The following GPA33 variants were observed in gnomAD, a reference collection of about 807,000 sequenced individuals.
The protein encoded by GPA33 is glycoprotein A33.
Under a neutral mutation model 35.6 loss-of-function variants are expected in GPA33, and 27 were observed. The observed-to-expected ratio is 0.76, with a 90% CI of 0.56 to 1.04. The LOEUF is 1.04. Among genes scored for constraint, GPA33 ranks in the 50% least tolerant of loss-of-function variants. GPA33 has a pLI of 0.00. For missense variants in GPA33, 428 were observed against 411.9 expected (o/e 1.04, Z -0.34); for synonymous variants, 176 against 164.0 (o/e 1.07, Z -0.56).
chr1:167,078,830 C>G (rs10918619), intron 1 of GPA33: 54,173 of 152,114 alleles, frequency 0.36, 10,998 homozygotes, highest in African/African-American at 0.54. Flanking sequence ...CTGTGCCACA[C>G]AGTTTTCCTT....
rs148369513 is a variant in GPA33 at position 167,073,385 on chromosome 1, C to T, written c.198G>A (p.Thr66=). Residue 66 remains threonine (T), a splice_region_variant and synonymous_variant, in exon 2 of 7, where the codon ACG becomes ACA. Coordinates refer to ENST00000367868, the MANE Select transcript of GPA33 (RefSeq NM_005814.3). ...GCCTGAACTTGTAAAGTATCCTTAC[C>T]GTATGAGTGAGGAGGAGCTTATCCC... is the stretch of plus-strand genomic sequence containing the variant. ...IQWDKLLLTH[T]ERVVIWPFSN... 33 of 1,612,608 alleles carry T rather than the reference C, an allele frequency of 2.0e-5. No individual in the cohort carries two copies. The highest frequency in any genetic ancestry group is 1.6e-4 in the East Asian group (7 of 44,884).
intron 1 of GPA33, among the ~76,000 whole-genome samples, chr1:167,078,178 T>C (rs149800285): frequency 4.3e-4 from 65 of 152,330 alleles, no homozygotes; most frequent in African/African-American, 1.4e-3. Flanking sequence ...CTCTTCTGCT[T>C]TCTTCAGTCA....
At position 167,055,714 on chromosome 1, in the gene GPA33, C is replaced by A. The variant is rs2274532; in HGVS notation, c.691+16G>T. On this transcript the variant is annotated intron_variant, in intron 5 of 6. Coordinates refer to ENST00000367868, the MANE Select transcript of GPA33 (RefSeq NM_005814.3). ...CTGTGGCGTTTGTCAGCCCTCCCCC[C>A]GCAGGCTGCTCTTACGAGATCTGAC... is the stretch of plus-strand genomic sequence containing the variant. 5 of 1,613,398 alleles carry A rather than the reference C, an allele frequency of 3.1e-6. No homozygotes were observed. Among genetic ancestry groups the A allele is most frequent in the South Asian group, 2.2e-5 (2 of 91,026 alleles).
At chr1:167,056,691 TGG>T (rs879317164) in intron 4 of GPA33, among the ~76,000 whole-genome samples, 592 of 2,598 alleles carry the variant, frequency 0.23, 1 homozygote, top group South Asian at 0.33. Context: ...TGGTGTGTGG[TGG>T]GTGTGTGGTG....
intron 4 of GPA33, among the ~76,000 whole-genome samples, chr1:167,056,649 G>GCA (rs1666274438): frequency 3.4e-5 from 1 of 29,312 alleles, no homozygotes; most frequent in African/African-American, 1.3e-4. Flanking sequence ...GGTGTGTGTA[G>GCA]TGTGTGTGGT....
intron 4 of GPA33, among the ~76,000 whole-genome samples, chr1:167,057,141 C>G (rs1353187287): frequency 6.6e-6 from 1 of 151,290 alleles, no homozygotes; most frequent in Non-Finnish European, 1.5e-5. Flanking sequence ...CTTGAGCAAG[C>G]CATTTAACTT....
chr1:167,070,968 C>G (rs901201472), intron 2 of GPA33, among the ~76,000 whole-genome samples: 3 of 151,764 alleles, frequency 2.0e-5, no homozygotes, highest in African/African-American at 4.8e-5. Context: ...GTTCTCTTTA[C>G]GTGTGGGGTA....
At chr1:167,068,870 G>T in intron 3 of GPA33, 52 bp downstream of exon 3, 2 of 1,433,232 alleles carry the variant, frequency 1.4e-6, no homozygotes, top group Non-Finnish European at 2.0e-6. Context: ...TCCCTGTGCT[G>T]CCACCTGCCC....
chr1:167,074,342 T>C (rs533825577), intron 1 of GPA33, among the ~76,000 whole-genome samples: 1 of 151,916 alleles, frequency 6.6e-6, no homozygotes, highest in African/African-American at 2.4e-5. Flanking sequence ...TGGAAAACCA[T>C]CAACATTCTG....
chr1:167,063,253 C>A (rs543870602), intron 4 of GPA33, among the ~76,000 whole-genome samples: 175 of 152,234 alleles, frequency 1.1e-3, no homozygotes, highest in Non-Finnish European at 2.0e-3. Context: ...CATGGTGAAA[C>A]CCCGTCTCTA....
chr1:167,086,137 T>G (rs1416808110), intron 1 of GPA33, among the ~76,000 whole-genome samples: 1 of 152,242 alleles, frequency 6.6e-6, no homozygotes, highest in Non-Finnish European at 1.5e-5. Context: ...TGATTGCGTC[T>G]CTGACAGGGA....
At chr1:167,069,188 G>C (rs188012097) in intron 2 of GPA33, 50 bp from the exon 3 acceptor site, 12 of 1,332,516 alleles carry the variant, frequency 9.0e-6, no homozygotes, top group Non-Finnish European at 1.3e-5. Flanking sequence ...GCCCTTGCCT[G>C]GTGCTTCCAG....
chr1:167,073,563 AG>A (rs1463667635), intron 1 of GPA33, 24 bp from the exon 2 acceptor site: 1 of 1,607,968 alleles, frequency 6.2e-7, no homozygotes, highest in Non-Finnish European at 8.5e-7. Context: ...AGGCAGTGGA[AG>A]GGAAAAGTAA....
In GPA33 at chr1:167,073,488, C is replaced by T. The variant is rs768077002; in HGVS notation, c.95G>A (p.Arg32Gln). ...GGTGACACTCTTTCCCTGCGAAGCC[C>T]GAAGAACGTCCTGCGGAGTTTCCAC... ...ISVETPQDVLRASQGKSVTLP... is the reference protein window; with the variant it reads ...ISVETPQDVLQASQGKSVTLP... Residue 32 changes from arginine (R) to glutamine (Q), a missense_variant, in exon 2 of 7, where the codon CGG (arginine) becomes CAG (glutamine). Coordinates refer to ENST00000367868, the MANE Select transcript of GPA33 (RefSeq NM_005814.3). The T allele has an allele frequency of 9.9e-6, 16 of 1,613,538 alleles. No homozygotes were observed. The highest frequency in any genetic ancestry group is 1.2e-5 in the Non-Finnish European group (14 of 1,179,622).
At chr1:167,078,146 C>G (rs1199635064) in intron 1 of GPA33, among the ~76,000 whole-genome samples, 1 of 152,220 alleles carries the variant, frequency 6.6e-6, no homozygotes, top group Non-Finnish European at 1.5e-5. Flanking sequence ...CCACATCACA[C>G]CCCTCAATCT....
chr1:167,081,796 T>C (rs137869234), intron 1 of GPA33, among the ~76,000 whole-genome samples: 1 of 152,326 alleles, frequency 6.6e-6, no homozygotes, highest in African/African-American at 2.4e-5. Flanking sequence ...GCAGGCTCCC[T>C]GGGGCAGCGT....
intron 5 of GPA33, 29 bp downstream of exon 5, chr1:167,055,701 T>C (rs777807501): frequency 8.1e-6 from 13 of 1,612,074 alleles, no homozygotes; most frequent in Non-Finnish European, 1.0e-5. Flanking sequence ...GTGGCGTTTG[T>C]CAGCCCTCCC....
At chr1:167,054,828 T>C (rs1666199694) in intron 6 of GPA33, 148 bp downstream of exon 6, 5 of 896,990 alleles carry the variant, frequency 5.6e-6, no homozygotes, top group Non-Finnish European at 8.5e-6. Flanking sequence ...GCACATTTTA[T>C]GGCTTGGACA....
At chr1:167,079,970 G>T (rs1487592381) in intron 1 of GPA33, among the ~76,000 whole-genome samples, 1 of 152,122 alleles carries the variant, frequency 6.6e-6, no homozygotes, top group Non-Finnish European at 1.5e-5. Context: ...CACCAGGTAG[G>T]ACATCTAAGC....
Sources: allele counts gnomAD v4.1 joint callset (sites outside exome capture counted in the v4.1 genomes callset), GRCh38; gene constraint gnomAD v4.1.1; transcripts MANE v1.5; gene names NCBI Gene and HGNC (gene_info 2026-07-23, HGNC 2026-07-21).